BRINP3: variants seen among roughly 807,000 people sequenced by gnomAD.
BRINP3 encodes the protein BMP/retinoic acid-inducible neural-specific protein 3.
BRINP3 carries 19 observed loss-of-function variants against 71.0 expected under a neutral mutation model. The ratio of observed to expected loss-of-function variants is 0.27; its 90% CI spans 0.19 to 0.39. BRINP3 has a LOEUF of 0.39. Ranked by LOEUF, BRINP3 falls within the 10% of genes least tolerant of loss-of-function variation. The pLI, the probability that BRINP3 is intolerant of heterozygous loss-of-function variation, is 1.00. For missense variants in BRINP3, 959 were observed against 940.8 expected (o/e 1.02, Z -0.25); for synonymous variants, 380 against 337.7 (o/e 1.13, Z -1.37).
At chr1:190,229,455 C>A (rs1174230629) in intron 5 of BRINP3, among the ~76,000 whole-genome samples, 1 of 151,922 alleles carries the variant, frequency 6.6e-6, no homozygotes, top group East Asian at 1.9e-4. Context: ...TTAGAAATTA[C>A]CCAGTCTCAA....
intron 3 of BRINP3, among the ~76,000 whole-genome samples, chr1:190,266,251 G>C (rs1453366512): frequency 6.6e-6 from 1 of 152,122 alleles, no homozygotes; most frequent in Admixed American, 6.5e-5. Flanking sequence ...TAATAGAATA[G>C]TTTGCATTTC....
At chr1:190,460,624 G>A (rs1254673450) in intron 1 of BRINP3, among the ~76,000 whole-genome samples, 1 of 152,150 alleles carries the variant, frequency 6.6e-6, no homozygotes, top group Non-Finnish European at 1.5e-5. Context: ...AATAAAGATA[G>A]TGCTTCTAGC....
At chr1:190,423,741 CA>C (rs1397155867) in intron 2 of BRINP3, among the ~76,000 whole-genome samples, 1 of 151,668 alleles carries the variant, frequency 6.6e-6, no homozygotes, top group Non-Finnish European at 1.5e-5. Context: ...CCAACTCCTC[CA>C]CCCCCTACCC....
intron 2 of BRINP3, among the ~76,000 whole-genome samples, chr1:190,391,757 C>T (rs1216262102): frequency 1.3e-5 from 2 of 151,604 alleles, no homozygotes; most frequent in Admixed American, 6.6e-5. Context: ...ACTGAATCGA[C>T]CGATGTTACA....
At chr1:190,418,306 C>A (rs1485698948) in intron 2 of BRINP3, among the ~76,000 whole-genome samples, 1 of 152,142 alleles carries the variant, frequency 6.6e-6, no homozygotes, top group Non-Finnish European at 1.5e-5. Context: ...CCGCCTCAGC[C>A]TCCCAAACTG....
chr1:190,404,789 T>C (rs1342726647), intron 2 of BRINP3, among the ~76,000 whole-genome samples: 1 of 152,188 alleles, frequency 6.6e-6, no homozygotes, highest in Non-Finnish European at 1.5e-5. Context: ...CATTTATGTA[T>C]TATTAAAGTC....
chr1:190,431,818 T>A (rs1674118265), intron 2 of BRINP3, among the ~76,000 whole-genome samples: 1 of 152,148 alleles, frequency 6.6e-6, no homozygotes, highest in Non-Finnish European at 1.5e-5. Flanking sequence ...ACTGTATTTG[T>A]TTTTCTGCCA....
intron 2 of BRINP3, among the ~76,000 whole-genome samples, chr1:190,436,074 T>C (rs1674434497): frequency 6.6e-6 from 1 of 151,948 alleles, no homozygotes; most frequent in Non-Finnish European, 1.5e-5. Flanking sequence ...CTGATTGAAT[T>C]ATCCTTCGAT....
chr1:190,283,972 T>C (rs1286153848), intron 2 of BRINP3, among the ~76,000 whole-genome samples: 1 of 151,898 alleles, frequency 6.6e-6, no homozygotes, highest in African/African-American at 2.4e-5. Context: ...AATGTATTTA[T>C]AGATTAAGAT....
At chr1:190,176,058 C>G (rs541824299) in intron 6 of BRINP3, among the ~76,000 whole-genome samples, 1 of 152,080 alleles carries the variant, frequency 6.6e-6, no homozygotes, top group Admixed American at 6.5e-5. Context: ...TTGTATTCAC[C>G]CTTTATTTTT....
At chr1:190,281,501 G>A (rs932047366) in intron 3 of BRINP3, 59 bp downstream of exon 3, 24 of 1,484,908 alleles carry the variant, frequency 1.6e-5, no homozygotes, top group Non-Finnish European at 2.2e-5. Context: ...ACTTTTCTGC[G>A]ATTTATACGG....
chr1:190,440,928 A>G (rs903556258), intron 2 of BRINP3, among the ~76,000 whole-genome samples: 21 of 152,128 alleles, frequency 1.4e-4, no homozygotes, highest in African/African-American at 5.1e-4. Context: ...TACAATTCTA[A>G]TATACAAAAA....
chr1:190,409,284 G>A (rs913480740), intron 2 of BRINP3, among the ~76,000 whole-genome samples: 1 of 152,032 alleles, frequency 6.6e-6, no homozygotes, highest in African/African-American at 2.4e-5. Flanking sequence ...CTATCTAATA[G>A]AAGGAAACAG....
At chr1:190,374,260 C>T (rs2102209241) in intron 2 of BRINP3, among the ~76,000 whole-genome samples, 1 of 152,154 alleles carries the variant, frequency 6.6e-6, no homozygotes, top group South Asian at 2.1e-4. Context: ...ACATAACACA[C>T]ACACATTTTG....
At chr1:190,401,022 T>C (rs1283848467) in intron 2 of BRINP3, among the ~76,000 whole-genome samples, 1 of 152,124 alleles carries the variant, frequency 6.6e-6, no homozygotes, top group South Asian at 2.1e-4. Context: ...TGCAGGCATA[T>C]TGTGGCCTTG....
At chr1:190,281,354 C>A (rs776311755) in intron 3 of BRINP3, among the ~76,000 whole-genome samples, 1 of 151,952 alleles carries the variant, frequency 6.6e-6, no homozygotes. Context: ...AGCTTTCATG[C>A]AGAAACTTAG....
Position 190,098,668 on chromosome 1 carries a change from A to G in BRINP3, c.1651T>C (p.Leu551=). The change falls in exon 8 of 8, where the codon TTG becomes CTG. Residue 551 remains leucine, a synonymous_variant. Coordinates refer to ENST00000367462, the MANE Select transcript of BRINP3 (RefSeq NM_199051.3). The part of the protein sequence containing the change: ...KYKSSLVHMI[L]GLSLQICLTK... ...AAGCAAATCTGTAAAGAGAGACCCA[A>G]AATCATATGGACCAGACTTGACTTG... 1 of 1,614,204 alleles carries G rather than the reference A, an allele frequency of 6.2e-7. No homozygotes were observed. The highest frequency in any genetic ancestry group is 1.6e-4 in the Middle Eastern group (1 of 6,062).
At chr1:190,417,496 C>T (rs893136531) in intron 2 of BRINP3, among the ~76,000 whole-genome samples, 1 of 151,994 alleles carries the variant, frequency 6.6e-6, no homozygotes, top group Non-Finnish European at 1.5e-5. Flanking sequence ...ATTACTGATA[C>T]AATATTTTTG....
intron 6 of BRINP3, among the ~76,000 whole-genome samples, chr1:190,178,873 A>G (rs1409285573): frequency 6.6e-6 from 1 of 152,188 alleles, no homozygotes; most frequent in Non-Finnish European, 1.5e-5. Flanking sequence ...ATGCATTTAA[A>G]TTCAGTAGGT....
Sources: allele counts gnomAD v4.1 joint callset (sites outside exome capture counted in the v4.1 genomes callset), GRCh38; gene constraint gnomAD v4.1.1; transcripts MANE v1.5; gene names NCBI Gene and HGNC (gene_info 2026-07-23, HGNC 2026-07-21).